The following TRHDE variants were observed in gnomAD, a reference collection of about 807,000 sequenced individuals.
TRHDE encodes thyrotropin releasing hormone degrading enzyme, also known as thyrotropin-releasing hormone-degrading ectoenzyme.
A neutral mutation model predicts 125.7 loss-of-function variants in TRHDE; 72 were observed. The observed-to-expected ratio is 0.57, with a 90% CI of 0.47 to 0.70. TRHDE has a LOEUF of 0.70. Among genes scored for constraint, TRHDE ranks in the 30% least tolerant of loss-of-function variants. The pLI, the probability that TRHDE is intolerant of heterozygous loss-of-function variation, is 0.00. For synonymous variants in TRHDE, 509 were observed against 509.1 expected, an observed-to-expected ratio of 1.00 and a Z score of 0.00; for missense variants, 1,110 against 1,327.1, an observed-to-expected ratio of 0.84 and a Z score of 2.54.
chr12:72,253,734 GT>G (rs1232419786), intron 2 of TRHDE: 1 of 152,120 alleles, frequency 6.6e-6, no homozygotes, highest in African/African-American at 2.4e-5. Context: ...CTTGCTGAGA[GT>G]TTTTAATTAC....
At chr12:72,440,218 T>C (rs1156907442) in intron 3 of TRHDE, among the ~76,000 whole-genome samples, 2 of 151,964 alleles carry the variant, frequency 1.3e-5, no homozygotes, top group Non-Finnish European at 2.9e-5. Flanking sequence ...GCCTACAGTT[T>C]TCTTTTTTTG....
At chr12:72,238,529 C>T (rs939294784) in intron 2 of TRHDE, among the ~76,000 whole-genome samples, 6 of 150,890 alleles carry the variant, frequency 4.0e-5, no homozygotes, top group Non-Finnish European at 8.9e-5. Flanking sequence ...TCTCCTAATG[C>T]TATCCCTCCC....
At chr12:72,119,314 A>G (rs929209416) in intron 2 of TRHDE, among the ~76,000 whole-genome samples, 2 of 152,252 alleles carry the variant, frequency 1.3e-5, no homozygotes, top group South Asian at 4.1e-4. Context: ...TCAGGAGCAT[A>G]TTATTTAATT....
At chr12:72,175,921 A>T (rs776180907) in intron 2 of TRHDE, among the ~76,000 whole-genome samples, 64 of 152,314 alleles carry the variant, frequency 4.2e-4, no homozygotes, top group Non-Finnish European at 8.5e-4. Context: ...GCTGAGATGG[A>T]GTTTAGCATA....
At chr12:72,440,665 A>G (rs1035796865) in intron 3 of TRHDE, among the ~76,000 whole-genome samples, 6 of 151,926 alleles carry the variant, frequency 3.9e-5, no homozygotes, top group African/African-American at 1.4e-4. Flanking sequence ...AAGAGATTAA[A>G]CAGTGACAGT....
At chr12:72,166,352 T>A (rs1048752722) in intron 2 of TRHDE, among the ~76,000 whole-genome samples, 2 of 152,092 alleles carry the variant, frequency 1.3e-5, no homozygotes, top group Non-Finnish European at 2.9e-5. Flanking sequence ...TATACACATA[T>A]ATACACACAT....
At chr12:72,599,479 G>A (rs1403297427) in intron 12 of TRHDE, among the ~76,000 whole-genome samples, 2 of 151,940 alleles carry the variant, frequency 1.3e-5, no homozygotes, top group East Asian at 3.9e-4. Context: ...TTAGTGATGT[G>A]GGTCATTTTT....
At chr12:72,296,257 T>G (rs1880295678) in intron 2 of TRHDE, among the ~76,000 whole-genome samples, 1 of 152,236 alleles carries the variant, frequency 6.6e-6, no homozygotes, top group Non-Finnish European at 1.5e-5. Context: ...TGAAAATTTG[T>G]GAGAAGTAAT....
chr12:72,160,455 C>T (rs1422570146), intron 2 of TRHDE, among the ~76,000 whole-genome samples: 2 of 152,212 alleles, frequency 1.3e-5, no homozygotes, highest in South Asian at 2.1e-4. Flanking sequence ...GAGGCCAAGG[C>T]GCGTGGATCA....
At chr12:72,541,541 A>G (rs1869148323) in intron 6 of TRHDE, among the ~76,000 whole-genome samples, 2 of 151,628 alleles carry the variant, frequency 1.3e-5, no homozygotes, top group Middle Eastern at 3.4e-3. Flanking sequence ...GCTAAATACA[A>G]CCTCAAAAAG....
intron 2 of TRHDE, among the ~76,000 whole-genome samples, chr12:72,126,217 CA>C (rs1172202968): frequency 6.6e-6 from 1 of 152,070 alleles, no homozygotes; most frequent in African/African-American, 2.4e-5. Context: ...ATAAATGACG[CA>C]AACGGAAACA....
At chr12:72,300,723 A>G (rs1315591121) in intron 2 of TRHDE, among the ~76,000 whole-genome samples, 2 of 151,874 alleles carry the variant, frequency 1.3e-5, no homozygotes, top group African/African-American at 2.4e-5. Context: ...TGTAATCTCC[A>G]TGGTACATAG....
At chr12:72,500,732 A>G (rs1362877349) in intron 6 of TRHDE, among the ~76,000 whole-genome samples, 1 of 152,096 alleles carries the variant, frequency 6.6e-6, no homozygotes, top group Non-Finnish European at 1.5e-5. Context: ...ATAAAAAGAT[A>G]TCATGAATAA....
chr12:72,496,402 G>A (rs192406896), intron 5 of TRHDE, among the ~76,000 whole-genome samples: 1 of 152,284 alleles, frequency 6.6e-6, no homozygotes, highest in African/African-American at 2.4e-5. Context: ...GGCGGAAGGC[G>A]AATGAGGAGC....
intron 15 of TRHDE, among the ~76,000 whole-genome samples, chr12:72,623,663 C>T (rs1873141600): frequency 6.6e-6 from 1 of 151,948 alleles, no homozygotes. Context: ...GGAAACATTA[C>T]TATCTTGGAG....
chr12:72,569,089 T>C (rs546847770), intron 10 of TRHDE, among the ~76,000 whole-genome samples: 3 of 152,264 alleles, frequency 2.0e-5, no homozygotes, highest in African/African-American at 7.2e-5. Context: ...CATGGAATTA[T>C]ATAATTACAG....
chr12:72,512,559 T>C (rs1168192703), intron 6 of TRHDE, among the ~76,000 whole-genome samples: 1 of 140,376 alleles, frequency 7.1e-6, no homozygotes, highest in Non-Finnish European at 1.5e-5. Flanking sequence ...TATAATCATA[T>C]ATAATATAAT....
At chr12:72,458,571 A>T (rs1053596598) in intron 3 of TRHDE, among the ~76,000 whole-genome samples, 8 of 152,038 alleles carry the variant, frequency 5.3e-5, no homozygotes, top group Admixed American at 3.3e-4. Flanking sequence ...CCCCGACCCC[A>T]GCCTCTCCCC....
chr12:72,217,624 A>G lies in TRHDE; in HGVS notation n.279+111872A>G, dbSNP rs565393830. 5.4e-4 allele frequency among the ~76,000 whole-genome samples: 82 copies of G among 152,278 alleles called. 1 individual carries two copies. The highest frequency in any genetic ancestry group is 1.9e-3 in the African/African-American group (80 of 41,574). On this transcript the variant is annotated intron_variant and non_coding_transcript_variant, in intron 2 of 4. Coordinates refer to the TRHDE transcript ENST00000548156. ...CTCCATCATTCCAACTTAATGGCTG[A>G]TTTTTATGCTGGAAGAACAGTGCAT...
Sources: gnomAD v4.1 joint callset for allele counts (sites outside exome capture counted in the v4.1 genomes callset) on GRCh38, gnomAD v4.1.1 for gene constraint, MANE v1.5 for transcripts, NCBI Gene and HGNC (gene_info 2026-07-23, HGNC 2026-07-21) for gene names.